The following ZNF112 variants were observed in gnomAD, a reference collection of about 807,000 sequenced individuals.
ZNF112 encodes the protein zinc finger protein 112, also known as zinc finger protein 112 (Y14).
A neutral mutation model predicts 77.7 loss-of-function variants in ZNF112; 37 were observed. That is an observed-to-expected ratio of 0.48 (90% CI 0.37 to 0.63). The LOEUF (loss-of-function observed/expected upper bound fraction) is 0.63. Ranked by LOEUF, ZNF112 falls within the 20% of genes least tolerant of loss-of-function variation. The pLI, the probability that ZNF112 is intolerant of heterozygous loss-of-function variation, is 0.00. For missense variants in ZNF112, 950 were observed against 1,077.4 expected (o/e 0.88, Z 1.66); for synonymous variants, 333 against 363.6 (o/e 0.92, Z 0.96).
intron 1 of ZNF112, among the ~76,000 whole-genome samples, chr19:44,361,858 G>T (rs2571070): frequency 6.6e-6 from 1 of 152,054 alleles, no homozygotes; most frequent in Admixed American, 6.5e-5. Flanking sequence ...CAAACAATAG[G>T]AGAAACTGGG....
intron 1 of ZNF112, among the ~76,000 whole-genome samples, chr19:44,366,775 G>A (rs1180310287): frequency 1.3e-5 from 2 of 151,526 alleles, no homozygotes; most frequent in Non-Finnish European, 2.9e-5. Context: ...AAGCTTTCAG[G>A]TAACTGGGGC....
chr19:44,337,395 T>A (rs1970397096), intron 2 of ZNF112, among the ~76,000 whole-genome samples: 1 of 59,608 alleles, frequency 1.7e-5, no homozygotes, highest in East Asian at 5.4e-4. Context: ...ATAATATATA[T>A]AATATATATT....
At chr19:44,331,892 C>T (rs998378975) in intron 3 of ZNF112, among the ~76,000 whole-genome samples, 1 of 152,196 alleles carries the variant, frequency 6.6e-6, no homozygotes, top group East Asian at 1.9e-4. Flanking sequence ...CAGAGTGATA[C>T]TGCTGATGAG....
intron 3 of ZNF112, among the ~76,000 whole-genome samples, chr19:44,331,745 T>C (rs1970274341): frequency 1.3e-5 from 2 of 152,202 alleles, no homozygotes; most frequent in Admixed American, 6.5e-5. Flanking sequence ...CATTGATGAA[T>C]AAATCATAGT....
intron 2 of ZNF112, among the ~76,000 whole-genome samples, chr19:44,338,041 C>G (rs1599921744): frequency 6.9e-6 from 1 of 145,942 alleles, no homozygotes; most frequent in African/African-American, 2.5e-5. Flanking sequence ...GCACAAAATA[C>G]TGTTCTCTGC....
upstream of ZNF112, among the ~76,000 whole-genome samples, chr19:44,358,156 G>GGAAAAAAAAA (rs796827293): frequency 7.7e-6 from 1 of 130,392 alleles, no homozygotes; most frequent in Non-Finnish European, 1.6e-5. Context: ...CGTCTCAAAA[G>GGAAAAAAAAA]AAAAAAAAAA....
chr19:44,344,825 A>T (rs1300343879), intron 1 of ZNF112, among the ~76,000 whole-genome samples: 2 of 152,186 alleles, frequency 1.3e-5, no homozygotes, highest in Admixed American at 1.3e-4. Context: ...AAACAGAATG[A>T]GAGTTAGTGG....
At chr19:44,353,022 A>C (rs968081374) in intron 1 of ZNF112, among the ~76,000 whole-genome samples, 1 of 152,144 alleles carries the variant, frequency 6.6e-6, no homozygotes, top group African/African-American at 2.4e-5. Context: ...CAGAATAGCT[A>C]AAAGCAATTT....
chr19:44,335,427 A>C (rs1267007218), intron 3 of ZNF112, among the ~76,000 whole-genome samples: 1 of 152,252 alleles, frequency 6.6e-6, no homozygotes, highest in African/African-American at 2.4e-5. Context: ...GTATATTAAA[A>C]ACAAGAATGT....
chr19:44,343,193 T>C (rs376952640), intron 1 of ZNF112: 36 of 1,583,340 alleles, frequency 2.3e-5, no homozygotes, highest in African/African-American at 6.8e-5. Context: ...GGGAAAAAGA[T>C]ATGTCCACTC....
At chr19:44,336,475 A>C (rs1421558092) in intron 3 of ZNF112, 148 bp downstream of exon 3, 11 of 613,760 alleles carry the variant, frequency 1.8e-5, no homozygotes, top group Non-Finnish European at 2.9e-5. Context: ...CAGATACCTT[A>C]GGACCTAATA....
At chr19:44,360,594 A>G (rs1293525475), upstream of ZNF112, among the ~76,000 whole-genome samples, 1 of 152,216 alleles carries the variant, frequency 6.6e-6, no homozygotes, top group East Asian at 1.9e-4. Flanking sequence ...CAATCTTGCC[A>G]ACTAATCTAA....
At chr19:44,330,414 T>C (rs1260633357) in intron 3 of ZNF112, among the ~76,000 whole-genome samples, 1 of 152,112 alleles carries the variant, frequency 6.6e-6, no homozygotes, top group Non-Finnish European at 1.5e-5. Context: ...ACATCGAACA[T>C]GATGGCTGTG....
At chr19:44,356,967 TTC>T (rs1649021458), upstream of ZNF112, among the ~76,000 whole-genome samples, 1 of 152,152 alleles carries the variant, frequency 6.6e-6, no homozygotes, top group African/African-American at 2.4e-5. Context: ...GTATATATAT[TTC>T]TCTGTTTTAC....
intron 3 of ZNF112, among the ~76,000 whole-genome samples, chr19:44,333,235 T>C (rs1970302212): frequency 6.6e-6 from 1 of 152,224 alleles, no homozygotes; most frequent in South Asian, 2.1e-4. Flanking sequence ...TTAGCTATAA[T>C]GAACTCAGAG....
intron 3 of ZNF112, among the ~76,000 whole-genome samples, chr19:44,335,951 C>G (rs566555669): frequency 6.6e-6 from 1 of 152,306 alleles, no homozygotes; most frequent in Admixed American, 6.5e-5. Context: ...TACTTTAAGA[C>G]TGTGGCTATG....
chr19:44,343,280 T>C (rs1450722425), intron 1 of ZNF112: 3 of 1,613,416 alleles, frequency 1.9e-6, no homozygotes, highest in Middle Eastern at 1.7e-4. Flanking sequence ...TTTCTCTTTC[T>C]TTTTCTAGAG....
intron 1 of ZNF112, among the ~76,000 whole-genome samples, chr19:44,347,484 G>GTTTTT (rs1659708770): frequency 2.9e-5 from 1 of 34,730 alleles, no homozygotes; most frequent in African/African-American, 1.0e-4. Context: ...CTTTTGGGTT[G>GTTTTT]ATTTTTTTTT....
intron 1 of ZNF112, among the ~76,000 whole-genome samples, chr19:44,350,497 C>G (rs1483831536): frequency 1.3e-5 from 2 of 152,026 alleles, no homozygotes; most frequent in Non-Finnish European, 2.9e-5. Flanking sequence ...TTAGCTTTAG[C>G]TGCAGACTTG....
Sources: gnomAD v4.1 joint callset for allele counts (sites outside exome capture counted in the v4.1 genomes callset) on GRCh38, gnomAD v4.1.1 for gene constraint, MANE v1.5 for transcripts, NCBI Gene and HGNC (gene_info 2026-07-23, HGNC 2026-07-21) for gene names.